Variants in PLA2G4E observed in about 807,000 individuals in gnomAD.
PLA2G4E encodes cytosolic phospholipase A2 epsilon.
Under a neutral mutation model 109.1 loss-of-function variants are expected in PLA2G4E, and 84 were observed. That is an observed-to-expected ratio of 0.77 (90% CI 0.65 to 0.92). The LOEUF is 0.92. Ranked by LOEUF, PLA2G4E falls within the 40% of genes least tolerant of loss-of-function variation. PLA2G4E has a pLI of 0.00. For synonymous variants in PLA2G4E, 469 were observed against 436.1 expected, an observed-to-expected ratio of 1.08 and a Z score of -0.94; for missense variants, 1,057 against 1,076.6, an observed-to-expected ratio of 0.98 and a Z score of 0.25.
At chr15:42,043,731 T>G (rs1305196417) in intron 1 of PLA2G4E, among the ~76,000 whole-genome samples, 2 of 152,168 alleles carry the variant, frequency 1.3e-5, no homozygotes, top group East Asian at 3.8e-4. Context: ...TGGCACTTAC[T>G]GGGGCAGCAG....
intron 1 of PLA2G4E, among the ~76,000 whole-genome samples, chr15:42,047,623 G>T (rs1285459392): frequency 6.6e-6 from 1 of 152,104 alleles, no homozygotes; most frequent in Non-Finnish European, 1.5e-5. Flanking sequence ...CCCCAAATCT[G>T]CCACGTAAGT....
chr15:41,987,310 TC>T lies in PLA2G4E; in HGVS notation c.1896del (p.Ile633SerfsTer50). 6.2e-7 allele frequency: 1 copy of T among 1,613,972 alleles called. No homozygotes were observed. On this transcript the variant is annotated frameshift_variant, in exon 17 of 20. Coordinates refer to ENST00000399518, the Ensembl canonical transcript of PLA2G4E. LOFTEE classifies it high-confidence loss of function. ...GAATTGGACAGCCATGACCCTGGGATCACTACCGTGGTCTCCAGGATGTTAG... is the reference window on the plus strand; with the variant it reads ...GAATTGGACAGCCATGACCCTGGGATACTACCGTGGTCTCCAGGATGTTAG...
intron 15 of PLA2G4E, among the ~76,000 whole-genome samples, chr15:41,988,962 T>C (rs2068195114): frequency 6.6e-6 from 1 of 152,166 alleles, no homozygotes; most frequent in Non-Finnish European, 1.5e-5. Flanking sequence ...CAGCTAAGAC[T>C]CTGAAGGGAA....
intron 1 of PLA2G4E, among the ~76,000 whole-genome samples, chr15:42,029,063 A>G (rs1889071449): frequency 6.6e-6 from 1 of 152,126 alleles, no homozygotes; most frequent in South Asian, 2.1e-4. Context: ...TATCTTTACA[A>G]AATATTAAGG....
chr15:42,005,377 T>C (rs139966749), intron 4 of PLA2G4E, among the ~76,000 whole-genome samples: 76 of 152,358 alleles, frequency 5.0e-4, no homozygotes, highest in Non-Finnish European at 6.6e-4. Context: ...CTCACACCTC[T>C]TGCTGTGTAC....
At chr15:41,995,146 G>C (rs761173799) in intron 12 of PLA2G4E, among the ~76,000 whole-genome samples, 4 of 152,250 alleles carry the variant, frequency 2.6e-5, no homozygotes, top group East Asian at 1.9e-4. Flanking sequence ...CATGAGGTCA[G>C]AGCTACTGTT....
At chr15:42,040,560 A>G (rs1050875307) in intron 1 of PLA2G4E, among the ~76,000 whole-genome samples, 5 of 152,242 alleles carry the variant, frequency 3.3e-5, no homozygotes, top group African/African-American at 1.2e-4. Flanking sequence ...AGGTTTCTCT[A>G]TGTCAAAACA....
At chr15:42,004,977 C>A in exon 5 of PLA2G4E, 1 of 1,612,912 alleles carries the variant, frequency 6.2e-7, no homozygotes, top group Non-Finnish European at 8.5e-7. Context: ...CTCTTCCATG[C>A]CCTGGTAGGG....
intron 1 of PLA2G4E, among the ~76,000 whole-genome samples, chr15:42,018,372 C>T (rs1296013928): frequency 6.6e-6 from 1 of 152,166 alleles, no homozygotes; most frequent in Non-Finnish European, 1.5e-5. Context: ...CAGATAAGCT[C>T]ATCCCTAGAA....
intron 1 of PLA2G4E, among the ~76,000 whole-genome samples, chr15:42,029,003 T>C (rs926870691): frequency 6.6e-6 from 1 of 152,220 alleles, no homozygotes; most frequent in Non-Finnish European, 1.5e-5. Flanking sequence ...AATGTTTGTA[T>C]TCTTAGTGTC....
chr15:41,984,059 A>T, intron 19 of PLA2G4E, 85 bp from the exon 20 acceptor site: 1 of 1,234,940 alleles, frequency 8.1e-7, no homozygotes, highest in Non-Finnish European at 1.2e-6. Context: ...AAGGCCCACC[A>T]ACCTGCACTC....
intron 2 of PLA2G4E, among the ~76,000 whole-genome samples, chr15:42,012,769 G>A (rs1014924776): frequency 2.0e-5 from 3 of 152,122 alleles, no homozygotes; most frequent in Admixed American, 2.0e-4. Context: ...TCAATCTCAG[G>A]GCTCTGTGTC....
exon 19 of PLA2G4E, chr15:41,984,601 C>T (rs1391958079): frequency 6.2e-7 from 1 of 1,604,142 alleles, no homozygotes; most frequent in Non-Finnish European, 8.5e-7. Context: ...GTGCAGTACT[C>T]ACAGGTTTGT....
Position 42,047,500 on chromosome 15 carries a change from C to A in PLA2G4E, c.183+3021G>T, listed in dbSNP as rs574725266. Among the ~76,000 whole-genome samples, 4 of 152,308 alleles carry A rather than the reference C, an allele frequency of 2.6e-5. No homozygotes were observed. The East Asian group carries it at 7.7e-4, about 29-fold the overall frequency. ...TCCATGAGGGCAGCAGCCTCATGACCGAATCCCCTCCCAAATGTCCCACCT... is the reference window on the plus strand; with the variant it reads ...TCCATGAGGGCAGCAGCCTCATGACAGAATCCCCTCCCAAATGTCCCACCT... On this transcript the variant is annotated intron_variant, in intron 1 of 19. Transcript: ENST00000399518.
chr15:41,991,176 C>G (rs567019288), intron 13 of PLA2G4E, among the ~76,000 whole-genome samples: 1 of 152,110 alleles, frequency 6.6e-6, no homozygotes, highest in South Asian at 2.1e-4. Context: ...GGGAAAGGGG[C>G]TCCTGTCCTG....
intron 1 of PLA2G4E, among the ~76,000 whole-genome samples, chr15:42,027,313 G>A (rs1321992009): frequency 6.6e-6 from 1 of 152,144 alleles, no homozygotes; most frequent in Non-Finnish European, 1.5e-5. Flanking sequence ...GGAGGGGATG[G>A]GGAAAGTTTT....
At chr15:42,034,158 G>A (rs1036835724) in intron 1 of PLA2G4E, among the ~76,000 whole-genome samples, 6 of 152,174 alleles carry the variant, frequency 3.9e-5, no homozygotes, top group Non-Finnish European at 5.9e-5. Flanking sequence ...GGTTTCCTGG[G>A]ACTCAAGACT....
At chr15:41,996,647 C>T (rs902840723) in intron 11 of PLA2G4E, among the ~76,000 whole-genome samples, 4 of 152,166 alleles carry the variant, frequency 2.6e-5, no homozygotes, top group East Asian at 1.9e-4. Flanking sequence ...GAAGAAGGGG[C>T]GGTCTGGCCC....
intron 12 of PLA2G4E, among the ~76,000 whole-genome samples, chr15:41,994,367 C>T (rs1011176451): frequency 6.6e-6 from 1 of 152,158 alleles, no homozygotes. Flanking sequence ...TTTGCTCACA[C>T]GGGGGCTACC....
Sources: allele counts gnomAD v4.1 joint callset (sites outside exome capture counted in the v4.1 genomes callset), GRCh38; gene constraint gnomAD v4.1.1; transcripts MANE v1.5; gene names NCBI Gene and HGNC (gene_info 2026-07-23, HGNC 2026-07-21).